The following GRID2 variants were observed in gnomAD, a reference collection of about 807,000 sequenced individuals.
The protein encoded by GRID2 is glutamate receptor ionotropic, delta-2.
Under a neutral mutation model 114.8 loss-of-function variants are expected in GRID2, and 33 were observed. The ratio of observed to expected loss-of-function variants is 0.29; its 90% CI spans 0.22 to 0.38. GRID2 has a LOEUF of 0.38. Ranked by LOEUF, GRID2 falls within the 10% of genes least tolerant of loss-of-function variation. The probability of loss-of-function intolerance (pLI) is 1.00; values close to 1 mark genes in which losing one functional copy is unlikely to be tolerated. For missense variants in GRID2, 1,184 were observed against 1,257.7 expected (o/e 0.94, Z 0.89); for synonymous variants, 505 against 449.9 (o/e 1.12, Z -1.55).
At chr4:93,052,663 T>G (rs1726834715) in intron 2 of GRID2, among the ~76,000 whole-genome samples, 1 of 151,902 alleles carries the variant, frequency 6.6e-6, no homozygotes, top group Non-Finnish European at 1.5e-5. Flanking sequence ...GGTTGAGATG[T>G]TAGTGGCATG....
intron 1 of GRID2, among the ~76,000 whole-genome samples, chr4:92,477,324 T>A (rs958577952): frequency 3.3e-5 from 5 of 152,088 alleles, no homozygotes; most frequent in Non-Finnish European, 1.5e-5. Context: ...AAAGTTGCAA[T>A]CTGAATCTAA....
At chr4:93,260,183 G>C (rs1376627776) in intron 8 of GRID2, among the ~76,000 whole-genome samples, 1 of 151,550 alleles carries the variant, frequency 6.6e-6, no homozygotes, top group African/African-American at 2.4e-5. Flanking sequence ...CTAGCATTCT[G>C]ATAAACTGTA....
chr4:92,325,998 T>C (rs563886999), intron 1 of GRID2, among the ~76,000 whole-genome samples: 2 of 151,942 alleles, frequency 1.3e-5, no homozygotes, highest in African/African-American at 4.8e-5. Flanking sequence ...CCCATGTTTA[T>C]GTAAGATAAT....
intron 14 of GRID2, among the ~76,000 whole-genome samples, chr4:93,678,957 C>G (rs1229768208): frequency 1.3e-5 from 2 of 150,832 alleles, no homozygotes; most frequent in Non-Finnish European, 2.9e-5. Flanking sequence ...CGGACTGAAT[C>G]CTCCAATTAA....
At chr4:92,472,168 C>T (rs1157572450) in intron 1 of GRID2, among the ~76,000 whole-genome samples, 1 of 61,472 alleles carries the variant, frequency 1.6e-5, no homozygotes, top group Admixed American at 1.3e-4. Context: ...CTCCTGACCT[C>T]GTGATCCGCC....
At chr4:93,433,212 A>AT (rs1339208089) in intron 10 of GRID2, among the ~76,000 whole-genome samples, 1 of 152,232 alleles carries the variant, frequency 6.6e-6, no homozygotes, top group East Asian at 1.9e-4. Flanking sequence ...TATCTGAATC[A>AT]TGACCCAAAA....
At position 92,917,039 on chromosome 4, in the gene GRID2, T is replaced by G. The variant is rs1266906757; in HGVS notation, c.245-167956T>G. Among the ~76,000 whole-genome samples the G allele has an allele frequency of 2.0e-5, 3 of 152,312 alleles. No homozygotes were observed. In the East Asian group the frequency reaches 5.8e-4, roughly 29 times the overall value. On this transcript the variant is annotated intron_variant, in intron 2 of 15. Transcript: ENST00000282020. ...TCCAGCACCTGTTGTTTCCTGACAT[T>G]TTAATGATCACCATTCTAACTGGTG...
chr4:93,103,840 G>GTT lies in GRID2; in HGVS notation c.530-6897_530-6896dup, dbSNP rs35621225. On this transcript the variant is annotated intron_variant, in intron 3 of 15. Coordinates refer to ENST00000282020, the MANE Select transcript of GRID2 (RefSeq NM_001510.4). ...AGCATCAAGTGAGAGAAAATCCCTT[G>GTT]TTTTTTTTTTTTGTTTGTTTTTTTC... Among the ~76,000 whole-genome samples the GTT allele has an allele frequency of 9.1e-3, 1,302 of 142,410 alleles. 18 individuals carry two copies. The highest frequency in any genetic ancestry group is 0.029 in the African/African-American group (1,126 of 39,032). The allele number at this position is 142,410 out of a possible 152,430, so 93.4% of individuals were successfully genotyped here. A position where few individuals can be genotyped will look rare whatever the true frequency, so the allele number is the denominator to read the frequency against.
intron 13 of GRID2, among the ~76,000 whole-genome samples, chr4:93,625,863 G>A (rs1202159123): frequency 6.6e-6 from 1 of 152,010 alleles, no homozygotes; most frequent in Non-Finnish European, 1.5e-5. Flanking sequence ...TGCAGTGAGC[G>A]GAGATCGCGC....
At chr4:92,982,570 C>A (rs1024624532) in intron 2 of GRID2, among the ~76,000 whole-genome samples, 3 of 152,018 alleles carry the variant, frequency 2.0e-5, no homozygotes, top group African/African-American at 4.8e-5. Context: ...CCCTTTCATC[C>A]TCACCATCAA....
intron 9 of GRID2, among the ~76,000 whole-genome samples, chr4:93,419,774 A>G (rs988928610): frequency 1.3e-5 from 2 of 152,154 alleles, no homozygotes; most frequent in African/African-American, 4.8e-5. Context: ...CTAGAGATTT[A>G]CTTAAAAGGT....
intron 2 of GRID2, among the ~76,000 whole-genome samples, chr4:92,684,377 G>A (rs1260810894): frequency 6.6e-6 from 1 of 151,802 alleles, no homozygotes; most frequent in Non-Finnish European, 1.5e-5. Context: ...TGGAAATAAG[G>A]TTGTACAGTG....
At chr4:92,971,359 T>A (rs1231113147) in intron 2 of GRID2, among the ~76,000 whole-genome samples, 1 of 152,070 alleles carries the variant, frequency 6.6e-6, no homozygotes, top group Non-Finnish European at 1.5e-5. Flanking sequence ...CCTAGATAGT[T>A]ACACAGAAGT....
chr4:92,775,253 G>T (rs533728259), intron 2 of GRID2, among the ~76,000 whole-genome samples: 12 of 152,252 alleles, frequency 7.9e-5, no homozygotes, highest in African/African-American at 2.9e-4. Flanking sequence ...TAGAGTTTGA[G>T]AAATCTGTGT....
intron 1 of GRID2, among the ~76,000 whole-genome samples, chr4:92,563,805 A>C (rs907824548): frequency 6.6e-6 from 1 of 152,056 alleles, no homozygotes; most frequent in Non-Finnish European, 1.5e-5. Context: ...CAACCTACTC[A>C]GTTACCTTTA....
chr4:93,626,997 T>A (rs1742791425), intron 14 of GRID2, among the ~76,000 whole-genome samples: 1 of 152,208 alleles, frequency 6.6e-6, no homozygotes, highest in South Asian at 2.1e-4. Flanking sequence ...ATTATATCCA[T>A]TTTCAAATCA....
At chr4:93,261,074 A>G (rs1454741121) in intron 8 of GRID2, among the ~76,000 whole-genome samples, 3 of 151,832 alleles carry the variant, frequency 2.0e-5, no homozygotes, top group African/African-American at 4.8e-5. Context: ...TGTGCATGAT[A>G]TAGTATACCT....
chr4:93,776,258 T>A (rs999059464), downstream of GRID2, among the ~76,000 whole-genome samples: 2 of 152,160 alleles, frequency 1.3e-5, no homozygotes, highest in Non-Finnish European at 2.9e-5. Context: ...GATTAACAAC[T>A]ATGGCCATAA....
At chr4:92,670,289 G>C (rs998207852) in intron 2 of GRID2, among the ~76,000 whole-genome samples, 4 of 151,950 alleles carry the variant, frequency 2.6e-5, no homozygotes, top group African/African-American at 7.2e-5. Flanking sequence ...TTGTCATTAG[G>C]TAGCATTTAG....
Sources: gnomAD v4.1 joint callset for allele counts (sites outside exome capture counted in the v4.1 genomes callset) on GRCh38, gnomAD v4.1.1 for gene constraint, MANE v1.5 for transcripts, NCBI Gene and HGNC (gene_info 2026-07-23, HGNC 2026-07-21) for gene names.